NBN: variants seen among roughly 807,000 people sequenced by gnomAD.
NBN encodes the protein Nijmegen breakage syndrome 1 (nibrin).
A neutral mutation model predicts 90.8 loss-of-function variants in NBN; 88 were observed. The observed-to-expected ratio is 0.97, with a 90% CI of 0.82 to 1.16. The LOEUF (loss-of-function observed/expected upper bound fraction) is 1.16, where lower values mean the gene tolerates loss of function less well. Ranked by LOEUF, NBN falls within the 50% of genes most tolerant of loss-of-function variation. The probability of loss-of-function intolerance (pLI) is 0.00; values close to 1 mark genes in which losing one functional copy is unlikely to be tolerated. For missense variants in NBN, 894 were observed against 869.6 expected (o/e 1.03, Z -0.35); for synonymous variants, 328 against 295.1 (o/e 1.11, Z -1.14).
At position 89,953,914 on chromosome 8, in the gene NBN, G is replaced by C. The variant is rs13312929; in HGVS notation, c.1398-223C>G. Reference sequence around the variant, plus strand: ...ACTGACGGACCCTGTGGCTAAAGCAGTACGGTGATCTCTATCTTCTCTGCT... The same window carrying C: ...ACTGACGGACCCTGTGGCTAAAGCACTACGGTGATCTCTATCTTCTCTGCT... On this transcript the variant is annotated intron_variant, in intron 10 of 15. Transcript: ENST00000265433. Among the ~76,000 whole-genome samples the C allele has an allele frequency of 8.8e-3, 1,335 of 152,212 alleles. 29 individuals carry two copies. Among genetic ancestry groups the C allele is most frequent in the African/African-American group, 0.03 (1,249 of 41,544 alleles).
At chr8:89,981,232 C>A in intron 3 of NBN, 143 bp downstream of exon 3, 1 of 876,174 alleles carries the variant, frequency 1.1e-6, no homozygotes, top group Non-Finnish European at 1.8e-6. Context: ...ATGCACTCAC[C>A]ACCCATGGCA....
intron 7 of NBN, among the ~76,000 whole-genome samples, chr8:89,966,717 A>C (rs1437968702): frequency 6.6e-6 from 1 of 152,208 alleles, no homozygotes; most frequent in Non-Finnish European, 1.5e-5. Context: ...AAGGGCCAAG[A>C]ATAGCCAGGA....
chr8:89,944,500 C>T (rs1810098615), intron 13 of NBN, among the ~76,000 whole-genome samples: 2 of 152,182 alleles, frequency 1.3e-5, no homozygotes, highest in African/African-American at 4.8e-5. Context: ...CACCCCTCTG[C>T]ATTCTTCTGC....
At chr8:89,944,297 A>T (rs1485219500) in intron 13 of NBN, among the ~76,000 whole-genome samples, 2 of 152,202 alleles carry the variant, frequency 1.3e-5, no homozygotes, top group Non-Finnish European at 2.9e-5. Flanking sequence ...ATTTAGAAGT[A>T]ATCAAACTTC....
intron 9 of NBN, among the ~76,000 whole-genome samples, chr8:89,956,928 C>T (rs1249564851): frequency 6.6e-6 from 1 of 152,148 alleles, no homozygotes; most frequent in Non-Finnish European, 1.5e-5. Flanking sequence ...TATTAAGTGT[C>T]TATGGTGATG....
chr8:89,937,306 C>G (rs752870781), intron 14 of NBN: 88 of 537,634 alleles, frequency 1.6e-4, no homozygotes, highest in Middle Eastern at 9.9e-4. Context: ...CCCATCTCCA[C>G]TCAAAGACAA....
chr8:89,954,991 A>G (rs1223959464), intron 10 of NBN, among the ~76,000 whole-genome samples: 1 of 152,162 alleles, frequency 6.6e-6, no homozygotes, highest in Non-Finnish European at 1.5e-5. Context: ...TTCTCAAGGA[A>G]AACCAGCAGA....
chr8:89,948,470 G>A (rs1037921661), intron 11 of NBN, among the ~76,000 whole-genome samples: 5 of 152,188 alleles, frequency 3.3e-5, no homozygotes, highest in Non-Finnish European at 5.9e-5. Context: ...TAAAAATGAA[G>A]ACTGCCTTGT....
intron 12 of NBN, among the ~76,000 whole-genome samples, chr8:89,946,977 T>C (rs1416884331): frequency 3.3e-5 from 5 of 152,146 alleles, no homozygotes; most frequent in Non-Finnish European, 7.4e-5. Flanking sequence ...GACATCTTAG[T>C]TCTTTTAACT....
At chr8:89,948,418 G>A (rs1375694969) in intron 11 of NBN, among the ~76,000 whole-genome samples, 1 of 152,130 alleles carries the variant, frequency 6.6e-6, no homozygotes, top group East Asian at 1.9e-4. Context: ...CATACTTAAA[G>A]AAGAAACAGT....
chr8:89,947,984 A>G, intron 11 of NBN, 92 bp from the exon 12 acceptor site: 1 of 737,340 alleles, frequency 1.4e-6, no homozygotes, highest in Non-Finnish European at 2.2e-6. Flanking sequence ...ATGAAGTGTA[A>G]AATGGTTCCT....
intron 3 of NBN, 79 bp from the exon 4 acceptor site, chr8:89,980,972 A>G (rs1486696787): frequency 2.4e-6 from 3 of 1,226,228 alleles, no homozygotes; most frequent in Non-Finnish European, 3.5e-6. Context: ...TAAAACTTTA[A>G]GCTCACATCA....
chr8:89,965,849 T>G (rs541501714), intron 7 of NBN, among the ~76,000 whole-genome samples: 6 of 152,262 alleles, frequency 3.9e-5, no homozygotes, highest in Admixed American at 6.5e-5. Flanking sequence ...TGTCTTTTTG[T>G]GTGTACTGAG....
intron 8 of NBN, among the ~76,000 whole-genome samples, chr8:89,961,482 A>G (rs1385310501): frequency 6.6e-6 from 1 of 152,210 alleles, no homozygotes; most frequent in Non-Finnish European, 1.5e-5. Flanking sequence ...GAATAATTAC[A>G]TCTGACTTGG....
chr8:89,949,442 T>G (rs1810342979), intron 11 of NBN, among the ~76,000 whole-genome samples: 1 of 152,100 alleles, frequency 6.6e-6, no homozygotes, highest in Non-Finnish European at 1.5e-5. Context: ...GAGAGTACAA[T>G]GAAGTGAAGA....
intron 15 of NBN, chr8:89,936,233 C>T (rs1200812975): frequency 1.8e-5 from 4 of 220,572 alleles, no homozygotes; most frequent in South Asian, 4.8e-5. Flanking sequence ...CATGCCACCA[C>T]GCCTGGCTAA....
At chr8:89,947,058 A>G (rs934619370) in intron 12 of NBN, among the ~76,000 whole-genome samples, 1 of 152,082 alleles carries the variant, frequency 6.6e-6, no homozygotes, top group Admixed American at 6.5e-5. Context: ...AGAAAAAAAA[A>G]GGGGAAAGTC....
At chr8:89,958,496 T>C (rs1410295318) in intron 9 of NBN, among the ~76,000 whole-genome samples, 1 of 151,904 alleles carries the variant, frequency 6.6e-6, no homozygotes, top group African/African-American at 2.4e-5. Flanking sequence ...AGTGGCAGAG[T>C]GGAGGAGCTG....
intron 13 of NBN, among the ~76,000 whole-genome samples, chr8:89,945,816 C>G (rs563929610): frequency 3.9e-5 from 6 of 152,104 alleles, no homozygotes; most frequent in African/African-American, 1.4e-4. Context: ...AGCTAAAGAA[C>G]CTCCTCAAGT....
Sources: allele counts gnomAD v4.1 joint callset (sites outside exome capture counted in the v4.1 genomes callset), GRCh38; gene constraint gnomAD v4.1.1; transcripts MANE v1.5; gene names NCBI Gene and HGNC (gene_info 2026-07-23, HGNC 2026-07-21).